The following CERS6 variants were observed in gnomAD, a reference collection of about 807,000 sequenced individuals.
The protein encoded by CERS6 is LAG1 homolog, ceramide synthase 6.
A neutral mutation model predicts 56.8 loss-of-function variants in CERS6; 26 were observed. That is an observed-to-expected ratio of 0.46 (90% CI 0.34 to 0.63). The LOEUF is 0.63. Among genes scored for constraint, CERS6 ranks in the 30% least tolerant of loss-of-function variants. The probability of loss-of-function intolerance (pLI) is 0.01; values close to 1 mark genes in which losing one functional copy is unlikely to be tolerated. For synonymous variants in CERS6, 164 were observed against 173.3 expected, an observed-to-expected ratio of 0.95 and a Z score of 0.42; for missense variants, 415 against 467.5, an observed-to-expected ratio of 0.89 and a Z score of 1.04.
At chr2:168,543,927 G>T (rs764860062) in intron 1 of CERS6, among the ~76,000 whole-genome samples, 1 of 152,166 alleles carries the variant, frequency 6.6e-6, no homozygotes, top group Non-Finnish European at 1.5e-5. Context: ...ACCCTGAGTA[G>T]ATGTGGATAT....
chr2:168,568,600 A>G (rs1012799016), intron 3 of CERS6, among the ~76,000 whole-genome samples: 2 of 152,214 alleles, frequency 1.3e-5, no homozygotes, highest in Admixed American at 6.5e-5. Context: ...AGGTGCCCAC[A>G]CTAATGCTTA....
intron 3 of CERS6, among the ~76,000 whole-genome samples, chr2:168,592,440 C>T (rs1454496121): frequency 6.6e-6 from 1 of 151,994 alleles, no homozygotes; most frequent in Non-Finnish European, 1.5e-5. Context: ...AGCAGCAGAA[C>T]CTTAACCGGG....
chr2:168,504,458 G>A (rs1204713583), intron 1 of CERS6, among the ~76,000 whole-genome samples: 1 of 152,156 alleles, frequency 6.6e-6, no homozygotes, highest in East Asian at 1.9e-4. Context: ...CTTGTAAAAT[G>A]TGAGAAAAAC....
intron 4 of CERS6, among the ~76,000 whole-genome samples, chr2:168,665,983 T>TGTGC (rs1685750513): frequency 6.6e-6 from 1 of 150,782 alleles, no homozygotes; most frequent in Non-Finnish European, 1.5e-5. Flanking sequence ...TGTGTGTGTG[T>TGTGC]GTGTGTGTAG....
chr2:168,623,566 C>T (rs1156675462), intron 3 of CERS6, among the ~76,000 whole-genome samples: 1 of 152,148 alleles, frequency 6.6e-6, no homozygotes, highest in African/African-American at 2.4e-5. Flanking sequence ...CATTAACGTG[C>T]TTGAATATGT....
chr2:168,596,602 A>G (rs1206820677), intron 3 of CERS6, among the ~76,000 whole-genome samples: 1 of 122,554 alleles, frequency 8.2e-6, no homozygotes, highest in East Asian at 2.6e-4. Flanking sequence ...CATCCAAACT[A>G]GAGTGTAGTA....
intron 2 of CERS6, among the ~76,000 whole-genome samples, chr2:168,557,170 T>C (rs972688925): frequency 6.6e-6 from 1 of 151,672 alleles, no homozygotes; most frequent in Non-Finnish European, 1.5e-5. Context: ...TCTCAAAAAA[T>C]AAAATAAATA....
intron 5 of CERS6, among the ~76,000 whole-genome samples, chr2:168,694,641 C>T (rs1267249377): frequency 6.6e-6 from 1 of 152,074 alleles, no homozygotes; most frequent in Non-Finnish European, 1.5e-5. Flanking sequence ...AATTTTTTTT[C>T]AGGTTGCTTA....
At chr2:168,651,078 C>T (rs1685330171) in intron 4 of CERS6, among the ~76,000 whole-genome samples, 1 of 152,116 alleles carries the variant, frequency 6.6e-6, no homozygotes, top group South Asian at 2.1e-4. Context: ...TTGAGGCAAA[C>T]AGTAAATCTG....
chr2:168,472,739 C>G (rs1694000215), intron 1 of CERS6, among the ~76,000 whole-genome samples: 1 of 152,136 alleles, frequency 6.6e-6, no homozygotes, highest in Non-Finnish European at 1.5e-5. Context: ...AGTATCTTTA[C>G]ATCTTTTTCT....
chr2:168,488,846 C>T (rs183100241), intron 1 of CERS6, among the ~76,000 whole-genome samples: 19 of 152,190 alleles, frequency 1.2e-4, no homozygotes, highest in Admixed American at 5.2e-4. Context: ...CTTTATCCTT[C>T]CCCACTTACC....
intron 1 of CERS6, among the ~76,000 whole-genome samples, chr2:168,490,509 C>T (rs773557378): frequency 3.3e-5 from 5 of 151,930 alleles, no homozygotes; most frequent in Non-Finnish European, 7.4e-5. Flanking sequence ...TTACATTTGA[C>T]TCCTCCAGAA....
intron 4 of CERS6, among the ~76,000 whole-genome samples, chr2:168,686,438 C>A (rs1392609462): frequency 9.4e-6 from 1 of 106,032 alleles, no homozygotes; most frequent in Non-Finnish European, 1.9e-5. Flanking sequence ...GACGCAATTT[C>A]TGTTAACCAA....
At chr2:168,467,184 T>A (rs891093025) in intron 1 of CERS6, among the ~76,000 whole-genome samples, 12 of 152,302 alleles carry the variant, frequency 7.9e-5, no homozygotes, top group African/African-American at 2.9e-4. Flanking sequence ...GGAGGGTGTT[T>A]AGAAAACCAT....
intron 1 of CERS6, among the ~76,000 whole-genome samples, chr2:168,535,790 C>T (rs1695253025): frequency 6.8e-6 from 1 of 147,954 alleles, no homozygotes; most frequent in African/African-American, 2.5e-5. Flanking sequence ...TAAACTTCGA[C>T]ATGAGAAATT....
rs371078713 is a variant in CERS6 at position 168,728,027 on chromosome 2, G to A, written c.845+10049G>A. 2.6e-4 allele frequency among the ~76,000 whole-genome samples: 39 copies of A among 152,308 alleles called. No homozygotes were observed. In the East Asian group the frequency reaches 7.3e-3, roughly 29 times the overall value. ...TTTTAATGTAATTTCAGGATTGAAG[G>A]GCTAGACCAGAGGTCCACAAAGTAT... On this transcript the variant is annotated intron_variant, in intron 8 of 9. Coordinates refer to ENST00000305747, the MANE Select transcript of CERS6 (RefSeq NM_203463.3).
At chr2:168,683,254 G>A (rs1686264336) in intron 4 of CERS6, among the ~76,000 whole-genome samples, 2 of 152,108 alleles carry the variant, frequency 1.3e-5, no homozygotes, top group Admixed American at 1.3e-4. Context: ...TTTCCTGTAA[G>A]TATATAAGTG....
rs542514799 is a variant in CERS6 at position 168,559,794 on chromosome 2, C to T, written c.277-1398C>T. On this transcript the variant is annotated intron_variant, in intron 2 of 9. Coordinates refer to ENST00000305747, the MANE Select transcript of CERS6 (RefSeq NM_203463.3). ...TTGAAGTTTGGTCATTGTGCCTTCT[C>T]CTTACCCCTATTTTTCCTGATCACT... Among the ~76,000 whole-genome samples the T allele has an allele frequency of 1.2e-4, 15 of 124,716 alleles. No homozygotes were observed. In the South Asian group the frequency reaches 1.7e-3, roughly 14 times the overall value. The allele number at this position is 124,716 out of a possible 152,430, so 81.8% of individuals were successfully genotyped here. A position where few individuals can be genotyped will look rare whatever the true frequency, so the allele number is the denominator to read the frequency against.
chr2:168,510,881 A>T (rs947809624), intron 1 of CERS6, among the ~76,000 whole-genome samples: 1 of 152,214 alleles, frequency 6.6e-6, no homozygotes, highest in Non-Finnish European at 1.5e-5. Context: ...AAATAAAATA[A>T]AGCCTTACAA....
Sources: gnomAD v4.1 joint callset for allele counts (sites outside exome capture counted in the v4.1 genomes callset) on GRCh38, gnomAD v4.1.1 for gene constraint, MANE v1.5 for transcripts, NCBI Gene and HGNC (gene_info 2026-07-23, HGNC 2026-07-21) for gene names.